The following BIN3 variants were observed in gnomAD, a reference collection of about 807,000 sequenced individuals.
The protein encoded by BIN3 is bridging integrator 3.
A neutral mutation model predicts 38.2 loss-of-function variants in BIN3; 41 were observed. The ratio of observed to expected loss-of-function variants is 1.07; its 90% CI spans 0.84 to 1.39. BIN3 has a LOEUF of 1.39. Among genes scored for constraint, BIN3 ranks in the 40% most tolerant of loss-of-function variants. The pLI, the probability that BIN3 is intolerant of heterozygous loss-of-function variation, is 0.00. For missense variants in BIN3, 361 were observed against 324.3 expected (o/e 1.11, Z -0.87); for synonymous variants, 145 against 122.6 (o/e 1.18, Z -1.21).
intron 2 of BIN3, among the ~76,000 whole-genome samples, chr8:22,643,703 A>G (rs1291630751): frequency 6.6e-6 from 1 of 152,198 alleles, no homozygotes; most frequent in Non-Finnish European, 1.5e-5. Flanking sequence ...CAAACTTCTC[A>G]CCACACTGAA....
intron 1 of BIN3, among the ~76,000 whole-genome samples, chr8:22,653,511 A>T (rs1802963074): frequency 6.6e-6 from 1 of 152,250 alleles, no homozygotes; most frequent in African/African-American, 2.4e-5. Context: ...TAACCGTTAC[A>T]CATTTCCAAC....
intron 1 of BIN3, among the ~76,000 whole-genome samples, chr8:22,665,189 C>G (rs772611471): frequency 6.6e-6 from 1 of 152,244 alleles, no homozygotes; most frequent in South Asian, 2.1e-4. Flanking sequence ...TCACAGGCAG[C>G]CTGACCTGGA....
At chr8:22,631,744 G>A (rs752567137) in intron 4 of BIN3, among the ~76,000 whole-genome samples, 5 of 152,128 alleles carry the variant, frequency 3.3e-5, no homozygotes, top group African/African-American at 4.8e-5. Flanking sequence ...TGAATGTGCC[G>A]CCCACCCCTC....
rs1199943862 is a variant in BIN3, at chr8:22,669,105, G to A, written c.-54C>T. ...TCCTCAGCCACAACTCGTTTCTCTAGGGTCACTTCCGGATTCAACCAGTCT... is the reference window on the plus strand; with the variant it reads ...TCCTCAGCCACAACTCGTTTCTCTAAGGTCACTTCCGGATTCAACCAGTCT... On this transcript the variant is annotated 5_prime_UTR_variant, in exon 1 of 9. Transcript: ENST00000276416. The A allele has an allele frequency of 1.9e-6, 3 of 1,571,536 alleles. No homozygotes were observed. The highest frequency in any genetic ancestry group is 1.9e-5 in the Admixed American group (1 of 53,882).
chr8:22,642,307 T>C (rs921201921), intron 2 of BIN3, among the ~76,000 whole-genome samples: 5 of 120,902 alleles, frequency 4.1e-5, no homozygotes, highest in African/African-American at 9.5e-5. Context: ...CTGAGACAAC[T>C]GCACAGCCCA....
rs530633458 is a variant in BIN3 at position 22,621,309 on chromosome 8, G to A, written c.*113C>T. 1 of 1,392,056 alleles carries A rather than the reference G, an allele frequency of 7.2e-7. No homozygotes were observed. Among genetic ancestry groups the A allele is most frequent in the African/African-American group, 1.4e-5 (1 of 69,308 alleles). The allele number at this position is 1,392,056 out of a possible 1,614,324, so 86.2% of individuals were successfully genotyped here. On this transcript the variant is annotated 3_prime_UTR_variant, in exon 9 of 9. Coordinates refer to ENST00000276416, the MANE Select transcript of BIN3 (RefSeq NM_018688.6). ...GTCATTCATTGCAAAGGGCCGGCAAGTGAACCAGGGCCACCTCTGTCCCCA... is the reference window on the plus strand; with the variant it reads ...GTCATTCATTGCAAAGGGCCGGCAAATGAACCAGGGCCACCTCTGTCCCCA...
intron 4 of BIN3, chr8:22,634,557 T>G (rs1287474681): frequency 6.9e-6 from 3 of 432,540 alleles, no homozygotes; most frequent in Admixed American, 2.6e-5. Flanking sequence ...TTCAAATCAC[T>G]GCCTCTATTG....
At chr8:22,637,081 G>T in intron 2 of BIN3, 119 bp from the exon 3 acceptor site, 1 of 841,548 alleles carries the variant, frequency 1.2e-6, no homozygotes, top group Non-Finnish European at 2.0e-6. Context: ...ACATGGTCCA[G>T]TTCACACAAG....
chr8:22,654,346 A>C (rs1342078402), intron 1 of BIN3, among the ~76,000 whole-genome samples: 1 of 152,326 alleles, frequency 6.6e-6, no homozygotes, highest in Non-Finnish European at 1.5e-5. Flanking sequence ...TTTATTTTTA[A>C]ATAACATACC....
At chr8:22,623,575 C>T (rs1367411347) in intron 8 of BIN3, among the ~76,000 whole-genome samples, 1 of 152,196 alleles carries the variant, frequency 6.6e-6, no homozygotes, top group African/African-American at 2.4e-5. Flanking sequence ...TCGGCACCAC[C>T]CTGGGCCAAG....
At chr8:22,659,962 A>G (rs1803179962) in intron 1 of BIN3, among the ~76,000 whole-genome samples, 1 of 152,204 alleles carries the variant, frequency 6.6e-6, no homozygotes, top group African/African-American at 2.4e-5. Flanking sequence ...GAAGTTACAG[A>G]GATTAAGTAT....
intron 1 of BIN3, among the ~76,000 whole-genome samples, chr8:22,657,385 A>G (rs898783502): frequency 1.3e-5 from 2 of 152,216 alleles, no homozygotes; most frequent in African/African-American, 4.8e-5. Flanking sequence ...AACCCCAAAA[A>G]CCTAAAAAGA....
chr8:22,634,687 G>C (rs1024045196), intron 4 of BIN3, among the ~76,000 whole-genome samples: 1 of 152,186 alleles, frequency 6.6e-6, no homozygotes, highest in Non-Finnish European at 1.5e-5. Context: ...GAGACAGTGA[G>C]GCCGCCCCAT....
chr8:22,637,871 C>T (rs151167166), intron 2 of BIN3, among the ~76,000 whole-genome samples: 26 of 152,316 alleles, frequency 1.7e-4, no homozygotes, highest in African/African-American at 5.8e-4. Context: ...AGAGCCCTCA[C>T]TGTGTGCTTT....
At chr8:22,637,045 C>T (rs1802390031) in intron 2 of BIN3, 83 bp from the exon 3 acceptor site, 3 of 1,236,068 alleles carry the variant, frequency 2.4e-6, no homozygotes, top group Non-Finnish European at 3.5e-6. Context: ...ACTCTCTCCA[C>T]ACCCTGCCCC....
intron 1 of BIN3, among the ~76,000 whole-genome samples, chr8:22,656,489 G>C (rs1803060771): frequency 6.6e-6 from 1 of 152,044 alleles, no homozygotes; most frequent in African/African-American, 2.4e-5. Flanking sequence ...TAACTAATTA[G>C]GCTTTCCAGG....
chr8:22,662,425 C>T (rs994493560), intron 1 of BIN3, among the ~76,000 whole-genome samples: 10 of 152,228 alleles, frequency 6.6e-5, no homozygotes, highest in African/African-American at 1.9e-4. Context: ...TAGGACCAAA[C>T]ATCTTTACAT....
At chr8:22,629,712 T>C (rs1802120756) in intron 6 of BIN3, 1 of 564,844 alleles carries the variant, frequency 1.8e-6, no homozygotes, top group Admixed American at 3.0e-5. Context: ...ACAGCGGCGG[T>C]TGCTGGGTGG....
intron 8 of BIN3, among the ~76,000 whole-genome samples, chr8:22,623,600 A>G (rs1801912290): frequency 6.6e-6 from 1 of 152,184 alleles, no homozygotes. Context: ...CGCCCACTTG[A>G]GGGTGCGGGG....
Sources: gnomAD v4.1 joint callset for allele counts (sites outside exome capture counted in the v4.1 genomes callset) on GRCh38, gnomAD v4.1.1 for gene constraint, MANE v1.5 for transcripts, NCBI Gene and HGNC (gene_info 2026-07-23, HGNC 2026-07-21) for gene names.